GORASP1: variants seen among roughly 807,000 people sequenced by gnomAD.
The protein encoded by GORASP1 is golgi reassembly stacking protein 1, also known as Golgi reassembly-stacking protein 1.
GORASP1 carries 31 observed loss-of-function variants against 37.7 expected under a neutral mutation model. The observed-to-expected ratio is 0.82, with a 90% CI of 0.62 to 1.11. GORASP1 has a LOEUF of 1.11. Among genes scored for constraint, GORASP1 ranks in the 50% least tolerant of loss-of-function variants. The pLI is 0.00. For missense variants in GORASP1, 476 were observed against 560.7 expected (o/e 0.85, Z 1.53); for synonymous variants, 204 against 224.8 (o/e 0.91, Z 0.83).
At chr3:39,099,683 G>A (rs966276091) in intron 6 of GORASP1, among the ~76,000 whole-genome samples, 180 bp from the exon 7 acceptor site, 5 of 152,198 alleles carry the variant, frequency 3.3e-5, no homozygotes, top group African/African-American at 9.6e-5. Flanking sequence ...TCAGGCCTGA[G>A]GGGCCTGGCC....
chr3:39,102,027 GAT>G lies in GORASP1; in HGVS notation c.348+649_348+650del, dbSNP rs1209768192. Among the ~76,000 whole-genome samples, 2 of 152,070 alleles carry G rather than the reference GAT, an allele frequency of 1.3e-5. No individual in the cohort carries two copies. Among genetic ancestry groups the G allele is most frequent in the Non-Finnish European group, 2.9e-5 (2 of 68,036 alleles). Reference sequence around the variant, plus strand: ...TACAGTCACATTGCTTAATGACAGGGATATATTCTGAGAAATGCATTGTTAGT... The same window carrying G: ...TACAGTCACATTGCTTAATGACAGGGATATTCTGAGAAATGCATTGTTAGT... On this transcript the variant is annotated intron_variant, in intron 3 of 8. Transcript: ENST00000319283. The surrounding 1 kb of genome is among the most constrained non-coding windows in gnomAD (Gnocchi z 5.0).
chr3:39,102,073 A>G lies in GORASP1; in HGVS notation c.348+605T>C, dbSNP rs1288680046. On this transcript the variant is annotated intron_variant, in intron 3 of 8. Coordinates refer to ENST00000319283, the MANE Select transcript of GORASP1 (RefSeq NM_031899.4). This position sits in a 1 kb window ranked among gnomAD's most constrained non-coding sequence, Gnocchi z 5.0. ...TGTTAGTTGACTTCATTGTTGTGCA[A>G]ACATCATAGAACTTAACCTACACAT... 6.5e-5 allele frequency among the ~76,000 whole-genome samples: 7 copies of G among 108,400 alleles called. No homozygotes were observed. The highest frequency in any genetic ancestry group is 5.8e-4 in the African/African-American group (7 of 12,038). 71.1% of individuals were successfully genotyped at this position (108,400 alleles called of 152,430 possible).
chr3:39,106,819 C>G, intron 1 of GORASP1: 2 of 276,992 alleles, frequency 7.2e-6, no homozygotes, highest in Non-Finnish European at 1.5e-5. Context: ...TCTCCACTCT[C>G]CGGAAGCCTG....
In GORASP1 at chr3:39,099,448, C is replaced by G. The variant is rs1357464539; in HGVS notation, c.821G>C (p.Ser274Thr). The change falls in exon 7 of 9, where the codon AGT becomes ACT. Residue 274 changes from serine (S) to threonine (T), a missense_variant. Physicochemically the swap from Ser to Thr is moderately conservative, Grantham distance 58. Coordinates refer to ENST00000319283, the MANE Select transcript of GORASP1 (RefSeq NM_031899.4). Reference sequence around the variant, plus strand: ...AGGGTCTGGAGCACTGTGGCTGGGACTCCCAGGCCCAGGAAGGGGATCCTC... The same window carrying G: ...AGGGTCTGGAGCACTGTGGCTGGGAGTCCCAGGCCCAGGAAGGGGATCCTC... ...SMEDPLPGPG[S>T]PSHSAPDPDG... is the part of the protein sequence containing the mutation. 16 of 1,611,538 alleles carry G rather than the reference C, an allele frequency of 9.9e-6. No individual in the cohort carries two copies. Among genetic ancestry groups the G allele is most frequent in the Non-Finnish European group, 1.4e-5 (16 of 1,178,988 alleles).
In GORASP1 at chr3:39,099,502, GC is replaced by G; in HGVS notation, c.766del (p.Ala256ProfsTer78). 1.9e-6 allele frequency: 3 copies of G among 1,608,580 alleles called. 1 individual carries two copies. The South Asian group carries it at 3.3e-5, about 18-fold the overall frequency. ...GGAGGAGCCAGGTGCCTGCAGCAGG[GC>G]CTAGGAAAGAAGAAGAAATGGGTAG... ...TGSRQSDYMEALLQAPGSSME... is the reference protein window; with the variant it reads ...TGSRQSDYMEXLLQAPGSSME... On this transcript the variant is annotated frameshift_variant and splice_region_variant, in exon 7 of 9. Transcript: ENST00000319283. LOFTEE classifies it high-confidence loss of function.
chr3:39,101,188 G>A (rs1283521210), intron 3 of GORASP1, 86 bp from the exon 4 acceptor site: 81 of 1,153,500 alleles, frequency 7.0e-5, no homozygotes, highest in Non-Finnish European at 1.0e-4. Flanking sequence ...GCCTCTTGAG[G>A]TAGTGAGTGG....
In GORASP1 at chr3:39,099,344, GC is replaced by G; in HGVS notation, c.916+8del. ...TGGGGCCCACTCCTCTCCAGGGCCTGCCCAGTACCTGGGTCCATAACTCGCT... is the reference window on the plus strand; with the variant it reads ...TGGGGCCCACTCCTCTCCAGGGCCTGCCAGTACCTGGGTCCATAACTCGCT... On this transcript the variant is annotated splice_region_variant and intron_variant, in intron 7 of 8. Coordinates refer to ENST00000319283, the MANE Select transcript of GORASP1 (RefSeq NM_031899.4). The G allele has an allele frequency of 6.2e-7, 1 of 1,612,444 alleles. No homozygotes were observed. The highest frequency in any genetic ancestry group is 8.5e-7 in the Non-Finnish European group (1 of 1,179,262).
chr3:39,099,551 A>G (rs1372770560), intron 6 of GORASP1, 48 bp from the exon 7 acceptor site: 1 of 1,577,338 alleles, frequency 6.3e-7, no homozygotes, highest in Non-Finnish European at 8.6e-7. Flanking sequence ...ACAGTGCCTC[A>G]AGGTGAAGAA....
Position 39,098,202 on chromosome 3 carries a change from A to T in GORASP1, c.*34T>A, listed in dbSNP as rs1278000149. The T allele has an allele frequency of 1.9e-6, 3 of 1,603,034 alleles. No individual in the cohort carries two copies. The African/African-American group carries it at 4.0e-5, about 21-fold the overall frequency. Reference sequence around the variant, plus strand: ...GCCTGCCCACATCTGGGCCTCATGAAATGTCATCATGGGCCTTGTCACAGC... The same window carrying T: ...GCCTGCCCACATCTGGGCCTCATGATATGTCATCATGGGCCTTGTCACAGC... On this transcript the variant is annotated 3_prime_UTR_variant, in exon 9 of 9. Coordinates refer to ENST00000319283, the MANE Select transcript of GORASP1 (RefSeq NM_031899.4). This position sits in a 1 kb window ranked among gnomAD's most constrained non-coding sequence, Gnocchi z 4.7.
chr3:39,102,412 C>G lies in GORASP1; in HGVS notation c.348+266G>C. The G allele has an allele frequency of 3.6e-6, 2 of 562,144 alleles. No homozygotes were observed. Among genetic ancestry groups the G allele is most frequent in the South Asian group, 4.4e-5 (2 of 45,546 alleles). 34.8% of individuals were successfully genotyped at this position (562,144 alleles called of 1,614,324 possible). ...TCCAGTAGATGATATTTCTACCTTT[C>G]AAATTAAGTAACCTAGGTATAGAAG... is the stretch of plus-strand genomic sequence containing the variant. On this transcript the variant is annotated intron_variant, in intron 3 of 8. Coordinates refer to ENST00000319283, the MANE Select transcript of GORASP1 (RefSeq NM_031899.4). The surrounding 1 kb of genome is among the most constrained non-coding windows in gnomAD (Gnocchi z 5.0).
In GORASP1 at chr3:39,102,676, A is replaced by C. The variant is rs1362428179; in HGVS notation, c.348+2T>G. The C allele has an allele frequency of 6.2e-7, 1 of 1,613,666 alleles. No individual in the cohort carries two copies. Among genetic ancestry groups the C allele is most frequent in the African/African-American group, 1.3e-5 (1 of 74,874 alleles). On this transcript the variant is annotated splice_donor_variant, in intron 3 of 8. Coordinates refer to ENST00000319283, the MANE Select transcript of GORASP1 (RefSeq NM_031899.4). LOFTEE classifies it high-confidence loss of function. This position sits in a 1 kb window ranked among gnomAD's most constrained non-coding sequence, Gnocchi z 5.0. ...CCCTGCCCTGCCATACCCCACACTC[A>C]CCAGCACATGCCACACCTGCTCACT...
rs2035487166 is a variant in GORASP1, at chr3:39,098,594, T to C, written c.1070-105A>G. 6.6e-7 allele frequency: 1 copy of C among 1,504,744 alleles called. No individual in the cohort carries two copies. The highest frequency in any genetic ancestry group is 9.0e-7 in the Non-Finnish European group (1 of 1,113,808). 93.2% of individuals were successfully genotyped at this position (1,504,744 alleles called of 1,614,324 possible). On this transcript the variant is annotated intron_variant, in intron 8 of 8. Coordinates refer to ENST00000319283, the MANE Select transcript of GORASP1 (RefSeq NM_031899.4). This position sits in a 1 kb window ranked among gnomAD's most constrained non-coding sequence, Gnocchi z 4.7. Reference sequence around the variant, plus strand: ...CTCCCCATTGCCACTCCAGGTTTGATGGGGGATTGGAGATGGAGTGTACAA... The same window carrying C: ...CTCCCCATTGCCACTCCAGGTTTGACGGGGGATTGGAGATGGAGTGTACAA...
In GORASP1 at chr3:39,102,680, G is replaced by C. The variant is rs2035798511; in HGVS notation, c.346C>G (p.Leu116Val). Reference sequence around the variant, plus strand: ...GCCCTGCCATACCCCACACTCACCAGCACATGCCACACCTGCTCACTGGCC... The same window carrying C: ...GCCCTGCCATACCCCACACTCACCACCACATGCCACACCTGCTCACTGGCC... ...RRASEQVWHV[L>V]DVEPSSPAAL... The change falls in exon 3 of 9, where the codon CTG becomes GTG. Residue 116 changes from leucine to valine, a missense_variant and splice_region_variant. Physicochemically the swap from Leu to Val is conservative, Grantham distance 32. Transcript: ENST00000319283. This position sits in a 1 kb window ranked among gnomAD's most constrained non-coding sequence, Gnocchi z 5.0. 1.2e-6 allele frequency: 2 copies of C among 1,613,936 alleles called. No individual in the cohort carries two copies. Among genetic ancestry groups the C allele is most frequent in the Admixed American group, 3.3e-5 (2 of 59,976 alleles).
chr3:39,098,808 G>T lies in GORASP1; in HGVS notation c.1002C>A (p.Thr334=). 2 of 1,614,168 alleles carry T rather than the reference G, an allele frequency of 1.2e-6. No individual in the cohort carries two copies. Among genetic ancestry groups the T allele is most frequent in the East Asian group, 2.2e-5 (1 of 44,876 alleles). Residue 334 remains threonine (T), a synonymous_variant, in exon 8 of 9, where the codon ACC becomes ACA. Transcript: ENST00000319283. The surrounding 1 kb of genome is among the most constrained non-coding windows in gnomAD (Gnocchi z 4.7). ...GCCCTGAGGTTGAGACAGCTGTGGT[G>T]GTCAGTTCTGTGGAAGAGGGCAGGC... The part of the protein sequence containing the change: ...WPSLPSSTEL[T]TTAVSTSGPE...
rs2035977453 is a variant in GORASP1, at chr3:39,105,387, A to G, written c.64-1834T>C. Among the ~76,000 whole-genome samples, 1 of 151,956 alleles carries G rather than the reference A, an allele frequency of 6.6e-6. No homozygotes were observed. The highest frequency in any genetic ancestry group is 1.5e-5 in the Non-Finnish European group (1 of 67,984). ...ATGGAACTCACAGTGATCACAACTT[A>G]CACTTACTAAGGGCTGGTTGGCTGA... On this transcript the variant is annotated intron_variant, in intron 1 of 8. Transcript: ENST00000319283. The surrounding 1 kb of genome is among the most constrained non-coding windows in gnomAD (Gnocchi z 5.4).
chr3:39,104,808 G>A (rs1314384795), intron 1 of GORASP1, among the ~76,000 whole-genome samples: 1 of 152,218 alleles, frequency 6.6e-6, no homozygotes, highest in Non-Finnish European at 1.5e-5. Context: ...TCAGATCTGG[G>A]CCTAGTTGGC....
chr3:39,104,807 G>A (rs2125709297), intron 1 of GORASP1, among the ~76,000 whole-genome samples: 1 of 152,292 alleles, frequency 6.6e-6, no homozygotes, highest in South Asian at 2.1e-4. Context: ...ATCAGATCTG[G>A]GCCTAGTTGG....
chr3:39,106,945 G>C, intron 1 of GORASP1: 1 of 367,282 alleles, frequency 2.7e-6, no homozygotes, highest in Non-Finnish European at 5.7e-6. Flanking sequence ...ACTATCCCGT[G>C]GCTGGTTTGC....
In GORASP1 at chr3:39,097,118, G is replaced by A. The variant is rs1453684405; in HGVS notation, c.*1118C>T. 6.6e-6 allele frequency: 1 copy of A among 152,236 alleles called. No individual in the cohort carries two copies. The highest frequency in any genetic ancestry group is 1.9e-4 in the East Asian group (1 of 5,202). 9.4% of individuals were successfully genotyped at this position (152,236 alleles called of 1,614,324 possible). A position where few individuals can be genotyped will look rare whatever the true frequency, so the allele number is the denominator to read the frequency against. On this transcript the variant is annotated 3_prime_UTR_variant, in exon 9 of 9. Coordinates refer to ENST00000319283, the MANE Select transcript of GORASP1 (RefSeq NM_031899.4). The stretch of plus-strand genomic sequence containing the variant: ...GTGCCCCCCAGAGCAGACATTCCTT[G>A]TCCTGCATACCTGACACAGCTTGTG...
Sources: gnomAD v4.1 joint callset for allele counts (sites outside exome capture counted in the v4.1 genomes callset) on GRCh38, gnomAD v4.1.1 for gene constraint, Gnocchi (gnomAD v3.1) non-coding constraint, MANE v1.5 for transcripts, NCBI Gene and HGNC (gene_info 2026-07-23, HGNC 2026-07-21) for gene names.